The following COG5 variants were observed in gnomAD, a reference collection of about 807,000 sequenced individuals.
COG5 encodes the protein conserved oligomeric Golgi complex subunit 5.
In COG5, 86 loss-of-function variants were observed where a neutral mutation model predicts 110.4. The observed-to-expected ratio is 0.78, with a 90% CI of 0.65 to 0.93. The LOEUF is 0.93. COG5 is among the 40% of genes least tolerant of loss of function. COG5 has a pLI of 0.00. For synonymous variants in COG5, 360 were observed against 334.6 expected, an observed-to-expected ratio of 1.08 and a Z score of -0.83; for missense variants, 1,077 against 987.0, an observed-to-expected ratio of 1.09 and a Z score of -1.22.
intron 5 of COG5, among the ~76,000 whole-genome samples, chr7:107,529,452 G>C (rs1042347880): frequency 1.2e-4 from 19 of 152,216 alleles, no homozygotes; most frequent in African/African-American, 4.6e-4. Flanking sequence ...AACTTCCAGG[G>C]CATGTGCTTT....
At chr7:107,207,364 T>C (rs1165858159) in intron 21 of COG5, among the ~76,000 whole-genome samples, 1 of 152,144 alleles carries the variant, frequency 6.6e-6, no homozygotes, top group Non-Finnish European at 1.5e-5. Context: ...TTCCAGATTG[T>C]GGACCCTGGA....
At chr7:107,229,425 G>C (rs1215018148) in intron 19 of COG5, among the ~76,000 whole-genome samples, 1 of 152,140 alleles carries the variant, frequency 6.6e-6, no homozygotes, top group African/African-American at 2.4e-5. Flanking sequence ...CTCCAGCCTG[G>C]TGACAGAGCA....
chr7:107,236,673 G>A lies in COG5; in HGVS notation c.1868C>T (p.Ser623Leu). Residue 623 changes from serine to leucine, a missense_variant, in exon 18 of 22, where the codon TCA (serine) becomes TTA (leucine). By Grantham distance (145) the Ser-to-Leu change is moderately radical. Coordinates refer to ENST00000297135, the MANE Select transcript of COG5 (RefSeq NM_006348.5). ...QEDFSGSLSS[S>L]GKPDVPCSLY... ...AGAACAAGGAACATCAGGTTTTCCT[G>A]AGCTGGATAATGACCTGTAAAAGAA... 6.2e-7 allele frequency: 1 copy of A among 1,613,422 alleles called. No individual in the cohort carries two copies. The highest frequency in any genetic ancestry group is 8.5e-7 in the Non-Finnish European group (1 of 1,179,418).
intron 12 of COG5, among the ~76,000 whole-genome samples, chr7:107,295,060 CACACACAT>C (rs1390181585): frequency 3.9e-4 from 22 of 56,388 alleles, no homozygotes; most frequent in South Asian, 1.1e-3. Context: ...CACACACACA[CACACACAT>C]ATATATATAT....
chr7:107,546,005 G>C (rs1802410133), intron 5 of COG5, among the ~76,000 whole-genome samples: 1 of 152,044 alleles, frequency 6.6e-6, no homozygotes, highest in Non-Finnish European at 1.5e-5. Context: ...TAAGAAGACT[G>C]AGATCATATC....
chr7:107,419,401 C>G (rs1197948869), intron 6 of COG5, among the ~76,000 whole-genome samples: 1 of 151,826 alleles, frequency 6.6e-6, no homozygotes, highest in Non-Finnish European at 1.5e-5. Flanking sequence ...AAAATAATTT[C>G]TTAACCTTTA....
At chr7:107,269,915 T>C (rs1195612037) in intron 14 of COG5, among the ~76,000 whole-genome samples, 1 of 152,194 alleles carries the variant, frequency 6.6e-6, no homozygotes, top group African/African-American at 2.4e-5. Flanking sequence ...TCACGAGGAA[T>C]TCTGGAAAAG....
chr7:107,239,186 C>A (rs1396421550), intron 17 of COG5, among the ~76,000 whole-genome samples: 2 of 152,118 alleles, frequency 1.3e-5, no homozygotes, highest in Non-Finnish European at 2.9e-5. Flanking sequence ...TCTGGATATC[C>A]ATTTTTACTA....
At chr7:107,231,437 G>A (rs919746323) in intron 18 of COG5, among the ~76,000 whole-genome samples, 2 of 152,042 alleles carry the variant, frequency 1.3e-5, no homozygotes, top group Non-Finnish European at 2.9e-5. Flanking sequence ...CCTTTGACTG[G>A]AAATTCTACT....
chr7:107,498,517 A>G (rs548906578), intron 6 of COG5, among the ~76,000 whole-genome samples: 1 of 152,314 alleles, frequency 6.6e-6, no homozygotes, highest in East Asian at 1.9e-4. Flanking sequence ...AAGTATATAA[A>G]AAGATCATTA....
intron 6 of COG5, among the ~76,000 whole-genome samples, chr7:107,444,567 GGTTT>G (rs1794898360): frequency 6.6e-6 from 1 of 152,026 alleles, no homozygotes; most frequent in Admixed American, 6.6e-5. Context: ...CAAACAATAT[GGTTT>G]ATTTTGAAAC....
chr7:107,384,187 T>C (rs921700453), intron 7 of COG5, among the ~76,000 whole-genome samples: 2 of 152,112 alleles, frequency 1.3e-5, no homozygotes, highest in Admixed American at 6.5e-5. Flanking sequence ...AACCCTTAGA[T>C]TGGCCTCTAG....
intron 10 of COG5, among the ~76,000 whole-genome samples, chr7:107,337,589 A>G (rs970896160): frequency 2.6e-5 from 4 of 152,108 alleles, no homozygotes; most frequent in African/African-American, 9.7e-5. Flanking sequence ...TGGGAGCTTA[A>G]AATTTTGATC....
intron 5 of COG5, among the ~76,000 whole-genome samples, chr7:107,531,529 T>C (rs186060949): frequency 1.1e-3 from 164 of 152,250 alleles, no homozygotes; most frequent in East Asian, 5.6e-3. Context: ...CCTAGGAGTA[T>C]TGTTCATACT....
chr7:107,511,516 A>C (rs1292817662), intron 6 of COG5, among the ~76,000 whole-genome samples: 2 of 152,226 alleles, frequency 1.3e-5, no homozygotes, highest in Non-Finnish European at 2.9e-5. Flanking sequence ...ATCAATAGAA[A>C]AAGAGGGAAT....
At chr7:107,448,191 C>A (rs746734012) in intron 6 of COG5, among the ~76,000 whole-genome samples, 1 of 152,018 alleles carries the variant, frequency 6.6e-6, no homozygotes, top group Admixed American at 6.5e-5. Context: ...ACACCCTCCT[C>A]CCCCAAAACA....
chr7:107,319,021 T>C (rs1809010740), intron 11 of COG5, among the ~76,000 whole-genome samples: 1 of 152,202 alleles, frequency 6.6e-6, no homozygotes, highest in South Asian at 2.1e-4. Context: ...AAGACTCTAA[T>C]AATTTTTTAA....
Position 107,233,888 on chromosome 7 carries a change from C to T in COG5, c.2091+2562G>A, listed in dbSNP as rs1217809459. Among the ~76,000 whole-genome samples, 3 of 152,218 alleles carry T rather than the reference C, an allele frequency of 2.0e-5. No individual in the cohort carries two copies. The South Asian group carries it at 6.2e-4, about 32-fold the overall frequency. On this transcript the variant is annotated intron_variant, in intron 18 of 21. Transcript: ENST00000297135. Reference sequence around the variant, plus strand: ...AAATGTGATGCTAAAAGCTGAGGTACAACAAATAATTGCAATTGTGGCAAG... The same window carrying T: ...AAATGTGATGCTAAAAGCTGAGGTATAACAAATAATTGCAATTGTGGCAAG...
intron 17 of COG5, among the ~76,000 whole-genome samples, chr7:107,244,955 G>A (rs1801942576): frequency 6.6e-6 from 1 of 152,034 alleles, no homozygotes; most frequent in Non-Finnish European, 1.5e-5. Context: ...ATTCTATGAG[G>A]CCAGCATCAT....
Sources: gnomAD v4.1 joint callset for allele counts (sites outside exome capture counted in the v4.1 genomes callset) on GRCh38, gnomAD v4.1.1 for gene constraint, MANE v1.5 for transcripts, NCBI Gene and HGNC (gene_info 2026-07-23, HGNC 2026-07-21) for gene names.